Variants in WWTR1 observed in about 807,000 individuals in gnomAD.
WWTR1 encodes the protein WW domain-containing transcription regulator protein 1.
In WWTR1, 13 loss-of-function variants were observed where a neutral mutation model predicts 40.1. The observed-to-expected ratio is 0.32, with a 90% CI of 0.21 to 0.52. WWTR1 has a LOEUF of 0.52. Ranked by LOEUF, WWTR1 falls within the 20% of genes least tolerant of loss-of-function variation. The probability of loss-of-function intolerance (pLI) is 0.97; values close to 1 mark genes in which losing one functional copy is unlikely to be tolerated. For missense variants in WWTR1, 436 were observed against 523.1 expected (o/e 0.83, Z 1.63); for synonymous variants, 230 against 210.1 (o/e 1.09, Z -0.82).
intron 1 of WWTR1, among the ~76,000 whole-genome samples, chr3:149,683,917 ACCT>A (rs1714544558): frequency 6.6e-6 from 1 of 151,496 alleles, no homozygotes; most frequent in Admixed American, 6.6e-5. Context: ...GCCATTGACG[ACCT>A]CCTCAAGGCT....
intron 2 of WWTR1, among the ~76,000 whole-genome samples, chr3:149,573,905 C>T (rs1220752216): frequency 6.6e-6 from 1 of 151,824 alleles, no homozygotes; most frequent in Non-Finnish European, 1.5e-5. Context: ...AGACTCTGTC[C>T]CACTCCATCA....
At chr3:149,684,008 T>C (rs1180434770) in intron 1 of WWTR1, among the ~76,000 whole-genome samples, 1 of 152,192 alleles carries the variant, frequency 6.6e-6, no homozygotes, top group Non-Finnish European at 1.5e-5. Context: ...TTGTTCATAA[T>C]AGCAAAAGTT....
intron 2 of WWTR1, among the ~76,000 whole-genome samples, chr3:149,603,062 A>G (rs1382524597): frequency 6.6e-6 from 1 of 152,188 alleles, no homozygotes; most frequent in Non-Finnish European, 1.5e-5. Context: ...CTATTTGCAA[A>G]CTTCAAAAAC....
At chr3:149,578,625 C>T (rs141315275) in intron 2 of WWTR1, among the ~76,000 whole-genome samples, 9 of 152,106 alleles carry the variant, frequency 5.9e-5, no homozygotes, top group Non-Finnish European at 8.8e-5. Flanking sequence ...ATAATCAGGC[C>T]GGGCACAGTG....
intron 2 of WWTR1, among the ~76,000 whole-genome samples, chr3:149,585,117 C>A (rs1738353123): frequency 1.1e-5 from 1 of 88,076 alleles, no homozygotes; most frequent in African/African-American, 4.1e-5. Flanking sequence ...TACTTGATTT[C>A]TTTCGTGTGT....
chr3:149,545,571 G>C (rs1387858700), intron 3 of WWTR1, among the ~76,000 whole-genome samples: 2 of 152,158 alleles, frequency 1.3e-5, no homozygotes, highest in African/African-American at 2.4e-5. Context: ...ACCCAGGCTG[G>C]AGTGCAGTGG....
chr3:149,642,186 C>T (rs1185861291), intron 2 of WWTR1, among the ~76,000 whole-genome samples: 2 of 151,372 alleles, frequency 1.3e-5, no homozygotes, highest in Admixed American at 6.6e-5. Flanking sequence ...TTTGGGAGGC[C>T]GAGGCAGGCA....
intron 3 of WWTR1, among the ~76,000 whole-genome samples, chr3:149,563,973 CAA>C (rs1428471760): frequency 2.0e-5 from 3 of 152,162 alleles, no homozygotes; most frequent in Non-Finnish European, 2.9e-5. Context: ...AGGCTGGTCT[CAA>C]ACTCCTGACC....
chr3:149,627,471 G>A (rs1378878340), intron 2 of WWTR1, among the ~76,000 whole-genome samples: 1 of 152,146 alleles, frequency 6.6e-6, no homozygotes. Context: ...GAGAAAGGAA[G>A]GTATGCCAGC....
At chr3:149,594,959 T>A (rs1368450196) in intron 2 of WWTR1, among the ~76,000 whole-genome samples, 2 of 118,550 alleles carry the variant, frequency 1.7e-5, no homozygotes, top group African/African-American at 7.0e-5. Flanking sequence ...ACTTTTTTTT[T>A]TTTTTTTTTT....
chr3:149,633,753 G>A (rs947845149), intron 2 of WWTR1, among the ~76,000 whole-genome samples: 1 of 152,066 alleles, frequency 6.6e-6, no homozygotes, highest in African/African-American at 2.4e-5. Context: ...GGAGGGTCAG[G>A]GAAGAGGTGA....
chr3:149,646,146 G>A (rs1312963313), intron 2 of WWTR1, among the ~76,000 whole-genome samples: 1 of 152,094 alleles, frequency 6.6e-6, no homozygotes, highest in East Asian at 1.9e-4. Context: ...AAGGATGGAT[G>A]GAAAAATAAA....
intron 3 of WWTR1, among the ~76,000 whole-genome samples, chr3:149,561,101 A>G (rs1737060825): frequency 6.6e-6 from 1 of 152,194 alleles, no homozygotes; most frequent in East Asian, 1.9e-4. Flanking sequence ...AAGTGAGGAA[A>G]TTAAAGGTGG....
At chr3:149,556,946 A>AGT (rs1005012490) in intron 3 of WWTR1, among the ~76,000 whole-genome samples, 6 of 151,120 alleles carry the variant, frequency 4.0e-5, no homozygotes, top group African/African-American at 1.5e-4. Context: ...GTATACACTC[A>AGT]TTTTGGTCTT....
chr3:149,616,264 A>G (rs1369349444), intron 2 of WWTR1, among the ~76,000 whole-genome samples: 3 of 152,048 alleles, frequency 2.0e-5, no homozygotes, highest in African/African-American at 7.2e-5. Context: ...TTTTCCCCTT[A>G]ATTGAGAATG....
chr3:149,597,393 C>T (rs1483050636), intron 2 of WWTR1, among the ~76,000 whole-genome samples: 1 of 132,744 alleles, frequency 7.5e-6, no homozygotes, highest in South Asian at 2.3e-4. Context: ...CCTAGAGGTT[C>T]GAGACCAGCC....
At chr3:149,621,856 A>G (rs1359694982) in intron 2 of WWTR1, among the ~76,000 whole-genome samples, 2 of 152,226 alleles carry the variant, frequency 1.3e-5, no homozygotes, top group Admixed American at 1.3e-4. Context: ...TTGTTGGCAC[A>G]ATTTCCGAAT....
At chr3:149,686,239 T>A (rs76322147) in intron 1 of WWTR1, among the ~76,000 whole-genome samples, 3,236 of 152,300 alleles carry the variant, frequency 0.021, 66 homozygotes, top group South Asian at 0.093. Context: ...TATTCGAGCT[T>A]GGTTTTCAGG....
At chr3:149,656,725 T>G in intron 2 of WWTR1, 151 bp downstream of exon 2, 1 of 793,228 alleles carries the variant, frequency 1.3e-6, no homozygotes, top group Non-Finnish European at 1.8e-6. Flanking sequence ...TCTCCATATC[T>G]GTGAAATAAC....
Sources: gnomAD v4.1 joint callset for allele counts (sites outside exome capture counted in the v4.1 genomes callset) on GRCh38, gnomAD v4.1.1 for gene constraint, MANE v1.5 for transcripts, NCBI Gene and HGNC (gene_info 2026-07-23, HGNC 2026-07-21) for gene names.